Variants in CMSS1 observed in about 807,000 individuals in gnomAD.
CMSS1 encodes protein CMSS1.
Under a neutral mutation model 43.5 loss-of-function variants are expected in CMSS1, and 33 were observed. That is an observed-to-expected ratio of 0.76 (90% confidence interval 0.57 to 1.01). The LOEUF is 1.01. Ranked by LOEUF, CMSS1 falls within the 50% of genes least tolerant of loss-of-function variation. CMSS1 has a pLI of 0.00. For missense variants in CMSS1, 313 were observed against 326.4 expected, an observed-to-expected ratio of 0.96 and a Z score of 0.32; for synonymous variants, 115 against 117.2, an observed-to-expected ratio of 0.98 and a Z score of 0.12.
chr3:100,007,637 T>C (rs1710025824), intron 1 of CMSS1, among the ~76,000 whole-genome samples: 1 of 152,202 alleles, frequency 6.6e-6, no homozygotes, highest in Non-Finnish European at 1.5e-5. Flanking sequence ...GATTTTGCTC[T>C]AATTGCATTT....
In CMSS1 at chr3:99,848,272, G is replaced by A. The variant is rs377189691; in HGVS notation, c.64+30229G>A. ...GTATGGACTGGATGAGGGTGAGCGT[G>A]GTCAGTTATATATATTACTTACTGT... On this transcript the variant is annotated intron_variant, in intron 1 of 9. Coordinates refer to ENST00000421999, the MANE Select transcript of CMSS1 (RefSeq NM_032359.4). 4.4e-5 allele frequency: 71 copies of A among 1,612,492 alleles called. No individual in the cohort carries two copies. In the African/African-American group the frequency reaches 8.8e-4, roughly 20 times the overall value.
intron 6 of CMSS1, 67 bp downstream of exon 6, chr3:100,167,907 T>C: frequency 2.8e-6 from 3 of 1,077,598 alleles, no homozygotes; most frequent in Non-Finnish European, 4.2e-6. Flanking sequence ...CAAGCTATTA[T>C]GTTCTATGTG....
intron 1 of CMSS1, among the ~76,000 whole-genome samples, chr3:100,035,027 T>A (rs1259921527): frequency 1.3e-5 from 2 of 152,138 alleles, no homozygotes; most frequent in Non-Finnish European, 2.9e-5. Context: ...GCTAGGGGGT[T>A]CTCTCCAGAT....
intron 1 of CMSS1, among the ~76,000 whole-genome samples, chr3:99,876,737 C>A (rs2107596226): frequency 6.6e-6 from 1 of 152,172 alleles, no homozygotes; most frequent in East Asian, 1.9e-4. Flanking sequence ...AACAATTCTT[C>A]AAGTGATGAT....
intron 1 of CMSS1, among the ~76,000 whole-genome samples, chr3:100,084,678 T>TA (rs1427958576): frequency 1.3e-5 from 2 of 152,214 alleles, no homozygotes; most frequent in Non-Finnish European, 1.5e-5. Flanking sequence ...AATTGTCACT[T>TA]ACGTATAAAC....
chr3:99,959,064 T>C (rs1246850941), intron 1 of CMSS1, among the ~76,000 whole-genome samples: 1 of 152,234 alleles, frequency 6.6e-6, no homozygotes, highest in Non-Finnish European at 1.5e-5. Context: ...TGTAACAGAA[T>C]TTGAAAACAC....
At chr3:99,911,781 G>A (rs1219918852) in intron 1 of CMSS1, among the ~76,000 whole-genome samples, 2 of 151,900 alleles carry the variant, frequency 1.3e-5, no homozygotes, top group Admixed American at 1.3e-4. Flanking sequence ...TTCTACTTAT[G>A]TTTCCACCTG....
chr3:99,894,531 A>G (rs1033614618), intron 1 of CMSS1, among the ~76,000 whole-genome samples: 2 of 152,248 alleles, frequency 1.3e-5, no homozygotes, highest in African/African-American at 4.8e-5. Flanking sequence ...GAAGAAATGT[A>G]GGATAATGCT....
At chr3:99,947,372 T>C (rs1343632401) in intron 1 of CMSS1, among the ~76,000 whole-genome samples, 1 of 152,196 alleles carries the variant, frequency 6.6e-6, no homozygotes, top group Non-Finnish European at 1.5e-5. Context: ...GATAGCTACA[T>C]AGTATTTCAT....
chr3:99,925,150 G>C (rs1032269542), intron 1 of CMSS1, among the ~76,000 whole-genome samples: 17 of 152,170 alleles, frequency 1.1e-4, no homozygotes, highest in Admixed American at 9.8e-4. Context: ...CGCTCTACCA[G>C]GACATGCTAT....
intron 1 of CMSS1, among the ~76,000 whole-genome samples, chr3:99,888,699 C>A (rs1463142298): frequency 6.6e-6 from 1 of 152,112 alleles, no homozygotes; most frequent in Non-Finnish European, 1.5e-5. Context: ...TCTTAGACTG[C>A]TTTTTGTAGA....
At chr3:100,000,448 G>A (rs990640916) in intron 1 of CMSS1, among the ~76,000 whole-genome samples, 3 of 152,204 alleles carry the variant, frequency 2.0e-5, no homozygotes, top group Middle Eastern at 3.2e-3. Context: ...CTAGTAATAT[G>A]TGTGACTGCT....
Position 100,176,331 on chromosome 3 carries a change from C to T in CMSS1, c.672C>T (p.Gly224=). ...GRIKELVKQG[G]LNLSPLKFLV... ...CTCTCTTCCTGTCTCTTTCAGGTGGCCTTAATTTGAGCCCCTTAAAATTTC... is the reference window on the plus strand; with the variant it reads ...CTCTCTTCCTGTCTCTTTCAGGTGGTCTTAATTTGAGCCCCTTAAAATTTC... The change falls in exon 9 of 10, where the codon GGC becomes GGT. Residue 224 remains glycine (G), a synonymous_variant. Coordinates refer to ENST00000421999, the MANE Select transcript of CMSS1 (RefSeq NM_032359.4). The T allele has an allele frequency of 6.2e-7, 1 of 1,608,862 alleles. No individual in the cohort carries two copies. Among genetic ancestry groups the T allele is most frequent in the Non-Finnish European group, 8.5e-7 (1 of 1,175,422 alleles).
At chr3:99,915,516 A>T (rs1025923893) in intron 1 of CMSS1, among the ~76,000 whole-genome samples, 4 of 152,214 alleles carry the variant, frequency 2.6e-5, no homozygotes, top group African/African-American at 9.6e-5. Flanking sequence ...ACTTTGGTTC[A>T]GTCTTGATTT....
chr3:99,848,486 T>C (rs1943478658), intron 1 of CMSS1: 8 of 1,614,200 alleles, frequency 5.0e-6, no homozygotes, highest in Non-Finnish European at 3.4e-6. Context: ...CCTAAGTGAA[T>C]GTGGATTTTA....
intron 1 of CMSS1, among the ~76,000 whole-genome samples, chr3:100,018,844 A>C (rs746984250): frequency 1.8e-4 from 28 of 152,282 alleles, no homozygotes; most frequent in Non-Finnish European, 3.1e-4. Context: ...CTGTCCTACA[A>C]CTCAATAACA....
chr3:100,067,166 C>CGTTTGTTT (rs4062235), intron 1 of CMSS1, among the ~76,000 whole-genome samples: 7,275 of 150,954 alleles, frequency 0.048, 315 homozygotes, highest in East Asian at 0.21. Flanking sequence ...TTTTTGATCT[C>CGTTTGTTT]GTTTGTTTGT....
intron 1 of CMSS1, among the ~76,000 whole-genome samples, chr3:99,895,433 G>A (rs1706219334): frequency 6.7e-6 from 1 of 148,566 alleles, no homozygotes. Context: ...TAATATTTGT[G>A]GCTTATTCAA....
chr3:100,071,520 TG>T, intron 1 of CMSS1, among the ~76,000 whole-genome samples: 2 of 152,092 alleles, frequency 1.3e-5, no homozygotes. Flanking sequence ...GGGAGAAGGG[TG>T]GGGGGCAGAG....
Sources: allele counts gnomAD v4.1 joint callset (sites outside exome capture counted in the v4.1 genomes callset), GRCh38; gene constraint gnomAD v4.1.1; transcripts MANE v1.5; gene names NCBI Gene and HGNC (gene_info 2026-07-23, HGNC 2026-07-21).